Variants in NFIA observed in about 807,000 individuals in gnomAD.
The protein encoded by NFIA is nuclear factor I A.
Under a neutral mutation model 62.8 loss-of-function variants are expected in NFIA, and 8 were observed. That is an observed-to-expected ratio of 0.13 (90% CI 0.07 to 0.23). The LOEUF (loss-of-function observed/expected upper bound fraction) is 0.23. Among genes scored for constraint, NFIA ranks in the 10% least tolerant of loss-of-function variants. NFIA has a pLI of 1.00. For synonymous variants in NFIA, 235 were observed against 238.1 expected (o/e 0.99, Z 0.12); for missense variants, 410 against 642.1 (o/e 0.64, Z 3.91).
intron 2 of NFIA, among the ~76,000 whole-genome samples, chr1:61,109,667 C>G (rs1196732193): frequency 6.6e-6 from 1 of 151,728 alleles, no homozygotes; most frequent in African/African-American, 2.4e-5. Context: ...ATGGGTGTAA[C>G]ACAGAAAATA....
intron 2 of NFIA, among the ~76,000 whole-genome samples, chr1:61,116,066 CT>C (rs1297461143): frequency 3.4e-5 from 5 of 148,854 alleles, no homozygotes; most frequent in African/African-American, 1.2e-4. Context: ...TTTTCCTCCC[CT>C]GGGAGAGTTT....
chr1:61,228,249 C>A (rs1295392617), intron 2 of NFIA, among the ~76,000 whole-genome samples: 1 of 152,048 alleles, frequency 6.6e-6, no homozygotes, highest in Non-Finnish European at 1.5e-5. Context: ...TTTTTCATCC[C>A]ATTAATAAGA....
chr1:61,123,705 T>TA (rs1553152773), intron 2 of NFIA, among the ~76,000 whole-genome samples: 4 of 152,238 alleles, frequency 2.6e-5, no homozygotes, highest in African/African-American at 9.6e-5. Context: ...GAAGGCTACA[T>TA]GGTTTGGCTT....
At chr1:61,344,384 TCCCCTCCCCC>T (rs1244876433) in intron 4 of NFIA, among the ~76,000 whole-genome samples, 2 of 152,232 alleles carry the variant, frequency 1.3e-5, no homozygotes, top group African/African-American at 4.8e-5. Flanking sequence ...ATTGGACTTT[TCCCCTCCCCC>T]GGTCTTCAAA....
chr1:61,267,785 GA>G (rs1657265068), intron 2 of NFIA, among the ~76,000 whole-genome samples: 2 of 152,176 alleles, frequency 1.3e-5, no homozygotes, highest in African/African-American at 4.8e-5. Flanking sequence ...TTCACCAGGA[GA>G]TAGGATTTAG....
At chr1:61,121,294 A>G (rs1184389044) in intron 2 of NFIA, among the ~76,000 whole-genome samples, 1 of 152,172 alleles carries the variant, frequency 6.6e-6, no homozygotes, top group Admixed American at 6.5e-5. Flanking sequence ...CTTTTGGGAA[A>G]GAAAACATGT....
At chr1:61,304,726 T>C (rs1283882445) in intron 3 of NFIA, among the ~76,000 whole-genome samples, 1 of 152,102 alleles carries the variant, frequency 6.6e-6, no homozygotes, top group Non-Finnish European at 1.5e-5. Flanking sequence ...AAATTTTGTT[T>C]ATAGTACATA....
chr1:61,441,533 T>C (rs1350635227), intron 10 of NFIA, among the ~76,000 whole-genome samples: 1 of 152,214 alleles, frequency 6.6e-6, no homozygotes, highest in Admixed American at 6.5e-5. Flanking sequence ...GTTCAGCATT[T>C]ACATTTGTAA....
intron 2 of NFIA, among the ~76,000 whole-genome samples, chr1:61,264,794 G>A (rs749033444): frequency 6.6e-6 from 1 of 151,692 alleles, no homozygotes; most frequent in African/African-American, 2.4e-5. Context: ...CAAATACTGA[G>A]TTACTGAAAT....
intron 2 of NFIA, among the ~76,000 whole-genome samples, chr1:61,138,991 A>T (rs1008274865): frequency 6.6e-6 from 1 of 151,520 alleles, no homozygotes; most frequent in Non-Finnish European, 1.5e-5. Context: ...GGAGATCGAG[A>T]CCAGCCTGGC....
At position 61,426,386 on chromosome 1, in the gene NFIA, G is replaced by A. The variant is rs180872143; in HGVS notation, c.1421-79G>A. On this transcript the variant is annotated intron_variant, in intron 9 of 10. Coordinates refer to ENST00000403491, the MANE Select transcript of NFIA (RefSeq NM_001134673.4). ...CCTTGTTAATCAGCTGCGTCGGCTC[G>A]GAGACTGTGTGTTTTGGTGTTGTTT... is the stretch of plus-strand genomic sequence containing the variant. The A allele has an allele frequency of 2.7e-4, 259 of 964,334 alleles. 2 individuals carry two copies. The African/African-American group carries it at 2.7e-3, about 10-fold the overall frequency. The allele number at this position is 964,334 out of a possible 1,614,324, so 59.7% of individuals were successfully genotyped here.
intron 2 of NFIA, among the ~76,000 whole-genome samples, chr1:61,111,368 T>C (rs931903733): frequency 6.6e-6 from 1 of 152,138 alleles, no homozygotes; most frequent in Admixed American, 6.5e-5. Context: ...TGTTTAACTC[T>C]AGGTGTAAAA....
intron 3 of NFIA, among the ~76,000 whole-genome samples, chr1:61,279,537 A>G (rs916756442): frequency 2.6e-5 from 4 of 152,040 alleles, no homozygotes; most frequent in Non-Finnish European, 5.9e-5. Context: ...CTTGTAGGTG[A>G]TGTCTTCAAA....
intron 2 of NFIA, among the ~76,000 whole-genome samples, chr1:61,219,264 C>T (rs1653851777): frequency 6.6e-6 from 1 of 151,712 alleles, no homozygotes; most frequent in African/African-American, 2.4e-5. Flanking sequence ...TTTATTATTG[C>T]TTGCATACTT....
chr1:61,348,595 T>C (rs1372609285), intron 4 of NFIA, among the ~76,000 whole-genome samples: 2 of 152,206 alleles, frequency 1.3e-5, no homozygotes, highest in Non-Finnish European at 2.9e-5. Flanking sequence ...ATCTGGAAGG[T>C]GGGCACACCA....
chr1:61,355,330 G>A (rs1662878211), intron 5 of NFIA, among the ~76,000 whole-genome samples: 1 of 152,134 alleles, frequency 6.6e-6, no homozygotes, highest in African/African-American at 2.4e-5. Context: ...TAGATAGGTA[G>A]GTAGATAATG....
intron 6 of NFIA, 67 bp from the exon 7 acceptor site, chr1:61,383,170 C>G (rs1315202055): frequency 1.3e-6 from 2 of 1,572,560 alleles, no homozygotes; most frequent in Admixed American, 3.4e-5. Flanking sequence ...TAAATGTTAT[C>G]TTTTAGGTTG....
At chr1:61,395,730 T>C (rs765059307) in intron 7 of NFIA, among the ~76,000 whole-genome samples, 3 of 152,156 alleles carry the variant, frequency 2.0e-5, no homozygotes, top group Non-Finnish European at 4.4e-5. Context: ...AGTGTGAGAA[T>C]ATGGTCAATT....
At chr1:61,397,012 AATAAT>A (rs1414283991) in intron 7 of NFIA, among the ~76,000 whole-genome samples, 2 of 140,564 alleles carry the variant, frequency 1.4e-5, no homozygotes, top group Non-Finnish European at 3.2e-5. Context: ...CAAAAAAAAA[AATAAT>A]AATAATAATG....
Sources: allele counts gnomAD v4.1 joint callset (sites outside exome capture counted in the v4.1 genomes callset), GRCh38; gene constraint gnomAD v4.1.1; transcripts MANE v1.5; gene names NCBI Gene and HGNC (gene_info 2026-07-23, HGNC 2026-07-21).